MAGI1: variants seen among roughly 807,000 people sequenced by gnomAD.
The protein encoded by MAGI1 is membrane associated guanylate kinase, WW and PDZ domain containing 1.
A neutral mutation model predicts 139.9 loss-of-function variants in MAGI1; 58 were observed. The ratio of observed to expected loss-of-function variants is 0.41; its 90% CI spans 0.34 to 0.52. MAGI1 has a LOEUF of 0.52. Ranked by LOEUF, MAGI1 falls within the 20% of genes least tolerant of loss-of-function variation. The probability of loss-of-function intolerance (pLI) is 0.12; values close to 1 mark genes in which losing one functional copy is unlikely to be tolerated. For missense variants in MAGI1, 1,874 were observed against 1,901.6 expected (o/e 0.99, Z 0.27); for synonymous variants, 812 against 737.9 (o/e 1.10, Z -1.63).
intron 4 of MAGI1, among the ~76,000 whole-genome samples, chr3:65,471,377 A>T (rs1218218985): frequency 6.6e-6 from 1 of 152,206 alleles, no homozygotes; most frequent in African/African-American, 2.4e-5. Flanking sequence ...TCCCACAGTA[A>T]TTCTGTAGAC....
At chr3:65,770,326 T>G (rs544990347) in intron 1 of MAGI1, among the ~76,000 whole-genome samples, 4 of 152,326 alleles carry the variant, frequency 2.6e-5, no homozygotes, top group African/African-American at 9.6e-5. Context: ...TTATTAAAAG[T>G]ATGAAAAATG....
At chr3:65,982,925 TTTTA>T (rs1226910109) in intron 1 of MAGI1, among the ~76,000 whole-genome samples, 1 of 152,164 alleles carries the variant, frequency 6.6e-6, no homozygotes, top group Non-Finnish European at 1.5e-5. Context: ...TTTTTTATTT[TTTTA>T]TTTTTCTAAA....
At chr3:65,842,328 T>A (rs2058834994) in intron 1 of MAGI1, among the ~76,000 whole-genome samples, 2 of 152,028 alleles carry the variant, frequency 1.3e-5, no homozygotes, top group South Asian at 4.1e-4. Flanking sequence ...TCTTTTTCAA[T>A]GTTCCATATC....
At chr3:65,581,260 T>C (rs886589742) in intron 2 of MAGI1, among the ~76,000 whole-genome samples, 4 of 152,076 alleles carry the variant, frequency 2.6e-5, no homozygotes, top group African/African-American at 4.8e-5. Context: ...TCTGGAATGA[T>C]GTAGTGACGA....
chr3:65,530,529 A>G (rs1269967258), intron 2 of MAGI1, among the ~76,000 whole-genome samples: 1 of 149,738 alleles, frequency 6.7e-6, no homozygotes, highest in Non-Finnish European at 1.5e-5. Context: ...AGGTGGGAGG[A>G]TTGCTTCAGC....
chr3:65,780,037 A>AG (rs981505130), intron 1 of MAGI1, among the ~76,000 whole-genome samples: 3 of 138,110 alleles, frequency 2.2e-5, no homozygotes, highest in Admixed American at 2.2e-4. Flanking sequence ...GGGGAAGGGC[A>AG]GGGGGGACAT....
intron 1 of MAGI1, among the ~76,000 whole-genome samples, chr3:65,675,041 G>A (rs984955344): frequency 3.9e-5 from 6 of 152,024 alleles, no homozygotes; most frequent in East Asian, 1.9e-4. Flanking sequence ...GCTGTATCTC[G>A]TAAGATAAAG....
chr3:65,362,897 T>G (rs896347835), intron 21 of MAGI1, among the ~76,000 whole-genome samples: 1 of 152,152 alleles, frequency 6.6e-6, no homozygotes, highest in African/African-American at 2.4e-5. Flanking sequence ...CAGAGCAGAG[T>G]GGACTTTTGG....
intron 5 of MAGI1, among the ~76,000 whole-genome samples, chr3:65,459,069 C>G (rs1949598321): frequency 6.6e-6 from 1 of 152,164 alleles, no homozygotes; most frequent in Non-Finnish European, 1.5e-5. Context: ...ATCCTTTCCC[C>G]AATGTGTGTG....
intron 5 of MAGI1, among the ~76,000 whole-genome samples, chr3:65,455,792 T>C (rs536284521): frequency 6.6e-5 from 10 of 152,198 alleles, no homozygotes; most frequent in East Asian, 1.9e-4. Context: ...AATGGAATCA[T>C]TGTATGTCTT....
Position 66,020,664 on chromosome 3 carries a change from G to A in MAGI1, c.313+17332C>T, listed in dbSNP as rs575383267. 2.0e-5 allele frequency among the ~76,000 whole-genome samples: 3 copies of A among 152,244 alleles called. No homozygotes were observed. In the East Asian group the frequency reaches 5.8e-4, roughly 29 times the overall value. On this transcript the variant is annotated intron_variant, in intron 1 of 22. Transcript: ENST00000402939. ...TTATATGCATCAGTTCATCTCCTTT[G>A]CTACCTAAGCCATTTGAGTTGCATT...
At chr3:65,716,167 A>G (rs1344775119) in intron 1 of MAGI1, among the ~76,000 whole-genome samples, 1 of 152,242 alleles carries the variant, frequency 6.6e-6, no homozygotes, top group East Asian at 1.9e-4. Context: ...CCATCTTCTT[A>G]GGACTGAGAC....
At chr3:65,821,469 A>G (rs1284073163) in intron 1 of MAGI1, among the ~76,000 whole-genome samples, 2 of 152,126 alleles carry the variant, frequency 1.3e-5, no homozygotes, top group Admixed American at 1.3e-4. Flanking sequence ...TGGATGAGAA[A>G]CTGAATACAT....
At chr3:65,703,960 A>T (rs1486288229) in intron 1 of MAGI1, among the ~76,000 whole-genome samples, 1 of 152,216 alleles carries the variant, frequency 6.6e-6, no homozygotes, top group Admixed American at 6.5e-5. Context: ...TCACTTGCTT[A>T]GAATTCAGTG....
chr3:65,995,167 T>G (rs908828397), intron 1 of MAGI1, among the ~76,000 whole-genome samples: 2 of 152,202 alleles, frequency 1.3e-5, no homozygotes, highest in Non-Finnish European at 2.9e-5. Flanking sequence ...GATCCTCTGA[T>G]GAGTCACTCA....
At chr3:65,548,262 C>T (rs1345424474) in intron 2 of MAGI1, among the ~76,000 whole-genome samples, 1 of 152,154 alleles carries the variant, frequency 6.6e-6, no homozygotes, top group Non-Finnish European at 1.5e-5. Flanking sequence ...AAATGAGGCT[C>T]TCACCACCTC....
intron 2 of MAGI1, among the ~76,000 whole-genome samples, chr3:65,507,138 A>C (rs2077325429): frequency 6.6e-6 from 1 of 152,238 alleles, no homozygotes; most frequent in Admixed American, 6.5e-5. Context: ...AAGGTACACT[A>C]TAGTACTACC....
At chr3:65,990,080 T>C (rs2066088122) in intron 1 of MAGI1, among the ~76,000 whole-genome samples, 1 of 151,968 alleles carries the variant, frequency 6.6e-6, no homozygotes, top group Non-Finnish European at 1.5e-5. Context: ...ATGATGATAA[T>C]GAAGAGGATT....
In MAGI1 at chr3:65,356,918, A is replaced by G. The variant is rs201291352; in HGVS notation, c.3849T>C (p.Asn1283=). 2.5e-6 allele frequency: 4 copies of G among 1,614,104 alleles called. No individual in the cohort carries two copies. The African/African-American group carries it at 5.3e-5, about 22-fold the overall frequency. The change falls in exon 23 of 23, where the codon AAT becomes AAC. Residue 1283 remains asparagine (N), a synonymous_variant. Coordinates refer to ENST00000402939, the MANE Select transcript of MAGI1 (RefSeq NM_001033057.2). ...SRQPNEHHTW[N]GTSRKPDSGA... is the part of the protein sequence containing the mutation. ...CGCTGTCGGGTTTCCTCGAAGTCCC[A>G]TTCCAGGTGTGGTGTTCATTGGGTT...
Sources: gnomAD v4.1 joint callset for allele counts (sites outside exome capture counted in the v4.1 genomes callset) on GRCh38, gnomAD v4.1.1 for gene constraint, MANE v1.5 for transcripts, NCBI Gene and HGNC (gene_info 2026-07-23, HGNC 2026-07-21) for gene names.